Variants in SPINK5 observed in about 807,000 individuals in gnomAD.
SPINK5 encodes serine peptidase inhibitor Kazal type 5, also known as serine protease inhibitor Kazal-type 5.
SPINK5 carries 125 observed loss-of-function variants against 151.8 expected under a neutral mutation model. That is an observed-to-expected ratio of 0.82 (90% CI 0.71 to 0.96). The LOEUF (loss-of-function observed/expected upper bound fraction) is 0.96, where lower values mean the gene tolerates loss of function less well. SPINK5 is among the 40% of genes least tolerant of loss of function. SPINK5 has a pLI of 0.00. For missense variants in SPINK5, 1,194 were observed against 1,291.9 expected, an observed-to-expected ratio of 0.92 and a Z score of 1.16; for synonymous variants, 374 against 395.3, an observed-to-expected ratio of 0.95 and a Z score of 0.64.
At position 148,100,520 on chromosome 5, in the gene SPINK5, C is replaced by A; in HGVS notation, c.1159C>A (p.Pro387Thr). Reference protein sequence around the residue: ...GKLACTRENDPIQGPDGKVHG... With the variant: ...GKLACTRENDTIQGPDGKVHG... ...ACTTGCTTGCACCAGAGAGAACGATCCTATCCAGGGCCCAGATGGGAAAGT... is the reference window on the plus strand; with the variant it reads ...ACTTGCTTGCACCAGAGAGAACGATACTATCCAGGGCCCAGATGGGAAAGT... The change falls in exon 13 of 33, where the codon CCT becomes ACT. Residue 387 changes from proline (P) to threonine (T), a missense_variant. Transcript: ENST00000256084. 6.2e-7 allele frequency: 1 copy of A among 1,613,288 alleles called. No homozygotes were observed. The highest frequency in any genetic ancestry group is 1.1e-5 in the South Asian group (1 of 91,072).
At chr5:148,070,707 T>C (rs1442501829) in intron 3 of SPINK5, among the ~76,000 whole-genome samples, 1 of 152,112 alleles carries the variant, frequency 6.6e-6, no homozygotes, top group Non-Finnish European at 1.5e-5. Context: ...TCTGTAGCAC[T>C]CTATAGTCTT....
intron 30 of SPINK5, among the ~76,000 whole-genome samples, chr5:148,127,340 AT>A (rs2113222449): frequency 6.6e-6 from 1 of 152,240 alleles, no homozygotes; most frequent in Non-Finnish European, 1.5e-5. Flanking sequence ...GTGTGGAATA[AT>A]TGTGACTAAT....
chr5:148,100,616 G>T lies in SPINK5; in HGVS notation c.1220+35G>T, dbSNP rs528735049. 42 of 1,609,764 alleles carry T rather than the reference G, an allele frequency of 2.6e-5. No homozygotes were observed. The African/African-American group carries it at 2.7e-4, about 10-fold the overall frequency. ...CCTGCAGCTGGGAACATGGAGGAAT[G>T]ATTTTGTTCTTTCTATTTCATTTCC... is the stretch of plus-strand genomic sequence containing the variant. On this transcript the variant is annotated intron_variant, in intron 13 of 32. Coordinates refer to ENST00000256084, the MANE Select transcript of SPINK5 (RefSeq NM_006846.4).
chr5:148,098,050 T>C lies in SPINK5; in HGVS notation c.1010+56T>C. 5.2e-6 allele frequency: 8 copies of C among 1,532,352 alleles called. 1 individual carries two copies. The South Asian group carries it at 9.1e-5, about 17-fold the overall frequency. 94.9% of individuals were successfully genotyped at this position (1,532,352 alleles called of 1,614,324 possible). ...AGAAGGGATCTTGCAGGTAATTTAA[T>C]AGAAACAGCTTCTTTCATAGATGGG... On this transcript the variant is annotated intron_variant, in intron 11 of 32. Transcript: ENST00000256084.
Position 148,118,437 on chromosome 5 carries a change from G to A in SPINK5, c.2113G>A (p.Asp705Asn). Residue 705 changes from aspartate (D) to asparagine (N), a missense_variant and splice_region_variant, in exon 23 of 33, where the codon GAC (aspartate) becomes AAC (asparagine). Physicochemically the swap from Asp to Asn is conservative, Grantham distance 23 (BLOSUM62 1). Coordinates refer to ENST00000256084, the MANE Select transcript of SPINK5 (RefSeq NM_006846.4). ...GCTCTTCGTTCTTCTCTGTTTTCAG[G>A]ACGAATGTGCTGAGTATCGGGAACA... Reference protein sequence around the residue: ...SSGGGGGNTQDECAEYREQMK... With the variant: ...SSGGGGGNTQNECAEYREQMK... 1 of 1,614,070 alleles carries A rather than the reference G, an allele frequency of 6.2e-7. No individual in the cohort carries two copies. The highest frequency in any genetic ancestry group is 8.5e-7 in the Non-Finnish European group (1 of 1,179,966).
At chr5:148,101,174 G>C (rs1041772552) in intron 13 of SPINK5, among the ~76,000 whole-genome samples, 181 bp from the exon 14 acceptor site, 3 of 151,904 alleles carry the variant, frequency 2.0e-5, no homozygotes, top group Non-Finnish European at 2.9e-5. Flanking sequence ...TGTATGTTGG[G>C]GTTATAATAA....
intron 26 of SPINK5, among the ~76,000 whole-genome samples, chr5:148,123,450 T>TATATATAG (rs1222471263): frequency 3.7e-5 from 5 of 134,614 alleles, no homozygotes; most frequent in Middle Eastern, 3.8e-3. Flanking sequence ...TCTATCTATA[T>TATATATAG]ATATAATCTT....
chr5:148,089,701 A>G, intron 7 of SPINK5, 80 bp downstream of exon 7: 4 of 1,599,488 alleles, frequency 2.5e-6, no homozygotes, highest in Non-Finnish European at 3.4e-6. Context: ...AGAGAGATAA[A>G]ATCCTTTTCA....
intron 4 of SPINK5, among the ~76,000 whole-genome samples, chr5:148,084,555 AGTTAGTAC>A (rs1356048921): frequency 1.6e-4 from 25 of 151,854 alleles, no homozygotes; most frequent in Admixed American, 1.2e-3. Flanking sequence ...CCTGTGACCT[AGTTAGTAC>A]GTTGCTGTTG....
At chr5:148,076,399 T>TA (rs75021819) in intron 4 of SPINK5, among the ~76,000 whole-genome samples, 9,254 of 151,592 alleles carry the variant, frequency 0.061, 475 homozygotes, top group East Asian at 0.25. Context: ...AAAAAAAGAA[T>TA]AAAAAAGCAG....
At chr5:148,118,668 T>C in intron 23 of SPINK5, 104 bp downstream of exon 23, 1 of 1,497,550 alleles carries the variant, frequency 6.7e-7, no homozygotes, top group Non-Finnish European at 9.2e-7. Flanking sequence ...AATTATTCTT[T>C]TTGCTAATTT....
chr5:148,106,561 C>T (rs895461005), intron 16 of SPINK5, among the ~76,000 whole-genome samples: 3 of 152,126 alleles, frequency 2.0e-5, no homozygotes, highest in African/African-American at 7.2e-5. Context: ...TTGTCTTGAA[C>T]TCCTGGGCTC....
intron 26 of SPINK5, 45 bp from the exon 27 acceptor site, chr5:148,123,788 A>G (rs1754354589): frequency 1.2e-6 from 2 of 1,613,074 alleles, no homozygotes; most frequent in African/African-American, 1.3e-5. Context: ...CAGGTTTGAA[A>G]GATTATACCA....
At chr5:148,128,770 G>A (rs562326254) in intron 30 of SPINK5, among the ~76,000 whole-genome samples, 4 of 152,074 alleles carry the variant, frequency 2.6e-5, no homozygotes, top group Admixed American at 1.3e-4. Context: ...TGATCCGCCC[G>A]CCTCGGCCTC....
At position 148,086,430 on chromosome 5, in the gene SPINK5, GAGAA is replaced by G. The variant is rs757967707; in HGVS notation, c.312_315del (p.Arg105MetfsTer40). The G allele has an allele frequency of 2.4e-5, 39 of 1,611,414 alleles. No homozygotes were observed. Among genetic ancestry groups the G allele is most frequent in the Non-Finnish European group, 3.3e-5 (39 of 1,178,604 alleles). Reference sequence around the variant, plus strand: ...CTGAATTGTGATGATTTTAAAAAAGGAGAAAGAGATGGGGATTTTATCTGTCCTG... The same window carrying G: ...CTGAATTGTGATGATTTTAAAAAAGGAGAGATGGGGATTTTATCTGTCCTG... On this transcript the variant is annotated frameshift_variant, in exon 5 of 33. Transcript: ENST00000256084. LOFTEE classifies it high-confidence loss of function.
chr5:148,101,294 T>A, intron 13 of SPINK5, 61 bp from the exon 14 acceptor site: 2 of 1,172,714 alleles, frequency 1.7e-6, no homozygotes, highest in East Asian at 4.7e-5. Flanking sequence ...ATATTTGAGA[T>A]CACTTCTAAT....
At chr5:148,099,336 A>C (rs1259685752) in intron 12 of SPINK5, 21 bp downstream of exon 12, 28 of 1,606,686 alleles carry the variant, frequency 1.7e-5, no homozygotes, top group Non-Finnish European at 2.3e-5. Context: ...TCCATCCAAT[A>C]AATCCTATTT....
chr5:148,119,932 G>T, intron 24 of SPINK5, 77 bp from the exon 25 acceptor site: 5 of 1,554,810 alleles, frequency 3.2e-6, no homozygotes, highest in Non-Finnish European at 4.4e-6. Flanking sequence ...CTCTTGGAAA[G>T]AAATCCTCTG....
chr5:148,123,222 C>T (rs1314456191), intron 26 of SPINK5, among the ~76,000 whole-genome samples: 2 of 151,306 alleles, frequency 1.3e-5, no homozygotes, highest in African/African-American at 4.9e-5. Context: ...CATGGTGGCA[C>T]ATGCCTGTAG....
Sources: gnomAD v4.1 joint callset for allele counts (sites outside exome capture counted in the v4.1 genomes callset) on GRCh38, gnomAD v4.1.1 for gene constraint, MANE v1.5 for transcripts, NCBI Gene and HGNC (gene_info 2026-07-23, HGNC 2026-07-21) for gene names.